Variants in WDFY1 observed in about 807,000 individuals in gnomAD.
The protein encoded by WDFY1 is WD repeat and FYVE domain-containing protein 1.
A neutral mutation model predicts 56.4 loss-of-function variants in WDFY1; 32 were observed. The observed-to-expected ratio is 0.57, with a 90% CI of 0.43 to 0.76. WDFY1 has a LOEUF of 0.76. WDFY1 is among the 30% of genes least tolerant of loss of function. WDFY1 has a pLI of 0.00. For missense variants in WDFY1, 480 were observed against 545.7 expected, an observed-to-expected ratio of 0.88 and a Z score of 1.20; for synonymous variants, 192 against 197.3, an observed-to-expected ratio of 0.97 and a Z score of 0.23.
intron 6 of WDFY1, among the ~76,000 whole-genome samples, 187 bp downstream of exon 6, chr2:223,898,771 C>T (rs1310824877): frequency 3.9e-5 from 6 of 152,076 alleles, no homozygotes; most frequent in South Asian, 2.1e-4. Flanking sequence ...GAAGGGATTT[C>T]GACAATATGA....
intron 6 of WDFY1, among the ~76,000 whole-genome samples, chr2:223,897,728 G>C (rs1693422071): frequency 6.6e-6 from 1 of 152,052 alleles, no homozygotes; most frequent in Non-Finnish European, 1.5e-5. Flanking sequence ...GGTGGGGCTT[G>C]GTAGTTGGCT....
At chr2:223,891,308 A>G (rs1486438138) in intron 8 of WDFY1, among the ~76,000 whole-genome samples, 1 of 141,618 alleles carries the variant, frequency 7.1e-6, no homozygotes, top group Non-Finnish European at 1.5e-5. Flanking sequence ...ACTTGAAACT[A>G]GGATGCGAAG....
intron 2 of WDFY1, among the ~76,000 whole-genome samples, chr2:223,914,143 GCCA>G (rs1445103225): frequency 6.6e-6 from 1 of 151,752 alleles, no homozygotes; most frequent in Non-Finnish European, 1.5e-5. Context: ...ATTACAGGCA[GCCA>G]CCACCACACC....
chr2:223,918,513 C>G (rs151190204), intron 1 of WDFY1, among the ~76,000 whole-genome samples: 5,018 of 152,106 alleles, frequency 0.033, 118 homozygotes, highest in Middle Eastern at 0.061. Flanking sequence ...CACCTGTAGT[C>G]CCAGCTACTC....
intron 8 of WDFY1, among the ~76,000 whole-genome samples, chr2:223,888,526 G>A (rs541002786): frequency 6.6e-6 from 1 of 151,264 alleles, no homozygotes; most frequent in South Asian, 2.1e-4. Context: ...GTTTTCAAGT[G>A]ATTCAATTTC....
At chr2:223,910,677 C>T (rs774727152) in intron 3 of WDFY1, among the ~76,000 whole-genome samples, 34 of 152,058 alleles carry the variant, frequency 2.2e-4, no homozygotes, top group Non-Finnish European at 4.3e-4. Context: ...ATTAGGAAAA[C>T]GCGAATCAAA....
chr2:223,906,044 T>C, intron 3 of WDFY1, 43 bp from the exon 4 acceptor site: 1 of 1,445,940 alleles, frequency 6.9e-7, no homozygotes. Context: ...AGAGTTATGG[T>C]TTTAAAAAAC....
chr2:223,910,087 G>A (rs1693668609), intron 3 of WDFY1, among the ~76,000 whole-genome samples: 1 of 152,004 alleles, frequency 6.6e-6, no homozygotes, highest in African/African-American at 2.4e-5. Context: ...TTGACTTCTG[G>A]AAACTCTTCC....
chr2:223,904,275 G>A (rs1379310414), intron 4 of WDFY1, among the ~76,000 whole-genome samples: 2 of 151,800 alleles, frequency 1.3e-5, no homozygotes, highest in Non-Finnish European at 2.9e-5. Context: ...TTTTTGAGAA[G>A]GAGTCTCGCT....
chr2:223,884,580 C>T (rs1693138708), intron 9 of WDFY1, 68 bp downstream of exon 9: 1 of 1,467,870 alleles, frequency 6.8e-7, no homozygotes, highest in Non-Finnish European at 9.5e-7. Context: ...TCAAAAAAAC[C>T]CCAGATTAAG....
intron 1 of WDFY1, among the ~76,000 whole-genome samples, chr2:223,942,180 C>T (rs1689315563): frequency 6.6e-6 from 1 of 152,100 alleles, no homozygotes; most frequent in African/African-American, 2.4e-5. Flanking sequence ...ACCCAAAACG[C>T]ATGATTCATG....
At chr2:223,934,416 C>T (rs1694135550) in intron 1 of WDFY1, among the ~76,000 whole-genome samples, 1 of 151,930 alleles carries the variant, frequency 6.6e-6, no homozygotes, top group Admixed American at 6.6e-5. Flanking sequence ...GATTACGTTC[C>T]ATGCTTCTTT....
At chr2:223,936,994 C>CT (rs1214017839) in intron 1 of WDFY1, among the ~76,000 whole-genome samples, 1 of 152,166 alleles carries the variant, frequency 6.6e-6, no homozygotes, top group Non-Finnish European at 1.5e-5. Context: ...TGTTTTGCGT[C>CT]TTTTGGCTAT....
intron 8 of WDFY1, among the ~76,000 whole-genome samples, chr2:223,885,681 T>C (rs1367548092): frequency 6.6e-6 from 1 of 152,214 alleles, no homozygotes; most frequent in Non-Finnish European, 1.5e-5. Context: ...ACCCAGTGCA[T>C]GCAGCAGAAT....
chr2:223,895,656 A>AGG (rs766734841), intron 6 of WDFY1, 26 bp from the exon 7 acceptor site: 1 of 1,611,668 alleles, frequency 6.2e-7, no homozygotes, highest in Non-Finnish European at 8.5e-7. Context: ...AGAGAGAGAG[A>AGG]GAGGGAGGCA....
At chr2:223,899,165 T>C in intron 5 of WDFY1, 95 bp from the exon 6 acceptor site, 3 of 958,498 alleles carry the variant, frequency 3.1e-6, no homozygotes, top group Non-Finnish European at 5.0e-6. Flanking sequence ...TTTTCAAAGT[T>C]AGAAAACATG....
Position 223,876,389 on chromosome 2 carries a change from T to G in WDFY1, c.*2282A>C, listed in dbSNP as rs1349497910. On this transcript the variant is annotated 3_prime_UTR_variant, in exon 12 of 12. Transcript: ENST00000233055. ...TACTCAGTAAAATTGAGAAAATAAT[T>G]TTTGCCCACTTCTATAAAAATATCA... The G allele has an allele frequency of 6.6e-6, 1 of 152,540 alleles. No individual in the cohort carries two copies. Among genetic ancestry groups the G allele is most frequent in the Non-Finnish European group, 1.5e-5 (1 of 67,996 alleles). The allele number at this position is 152,540 out of a possible 1,614,324, so 9.4% of individuals were successfully genotyped here.
intron 2 of WDFY1, 45 bp downstream of exon 2, chr2:223,917,898 A>C (rs1693816018): frequency 6.2e-7 from 1 of 1,605,886 alleles, no homozygotes; most frequent in South Asian, 1.1e-5. Context: ...AATCATCAAA[A>C]ACATTAGAGA....
chr2:223,899,334 C>G (rs1693460796), intron 5 of WDFY1: 1 of 351,746 alleles, frequency 2.8e-6, no homozygotes, highest in Non-Finnish European at 5.3e-6. Flanking sequence ...CATTGAGTGC[C>G]TGTTACTATA....
Sources: allele counts gnomAD v4.1 joint callset (sites outside exome capture counted in the v4.1 genomes callset), GRCh38; gene constraint gnomAD v4.1.1; transcripts MANE v1.5; gene names NCBI Gene and HGNC (gene_info 2026-07-23, HGNC 2026-07-21).